GRID2: variants seen among roughly 807,000 people sequenced by gnomAD.
GRID2 encodes the protein glutamate ionotropic receptor delta type subunit 2, also known as glutamate receptor ionotropic, delta-2.
In GRID2, 33 loss-of-function variants were observed where a neutral mutation model predicts 114.8. The observed-to-expected ratio is 0.29, with a 90% confidence interval of 0.22 to 0.38. The LOEUF (loss-of-function observed/expected upper bound fraction) is 0.38, where lower values mean the gene tolerates loss of function less well. Among genes scored for constraint, GRID2 ranks in the 10% least tolerant of loss-of-function variants. GRID2 has a pLI of 1.00. For synonymous variants in GRID2, 505 were observed against 449.9 expected (o/e 1.12, Z -1.55); for missense variants, 1,184 against 1,257.7 (o/e 0.94, Z 0.89).
chr4:93,001,053 T>A (rs960795589), intron 2 of GRID2, among the ~76,000 whole-genome samples: 1 of 151,654 alleles, frequency 6.6e-6, no homozygotes, highest in Non-Finnish European at 1.5e-5. Context: ...AAAATGATTT[T>A]GCTAGTAATT....
chr4:93,522,741 A>G (rs1730462013), intron 13 of GRID2, among the ~76,000 whole-genome samples: 1 of 152,162 alleles, frequency 6.6e-6, no homozygotes, highest in African/African-American at 2.4e-5. Flanking sequence ...TGGAAGTAAC[A>G]TGAAGCTTGT....
intron 10 of GRID2, among the ~76,000 whole-genome samples, chr4:93,426,815 A>G (rs1291206301): frequency 1.3e-5 from 2 of 152,106 alleles, no homozygotes; most frequent in African/African-American, 4.8e-5. Flanking sequence ...GGCTTAAAGA[A>G]GCAGACATAT....
chr4:92,409,309 C>T (rs964592999), intron 1 of GRID2, among the ~76,000 whole-genome samples: 1 of 151,980 alleles, frequency 6.6e-6, no homozygotes, highest in African/African-American at 2.4e-5. Flanking sequence ...TACAGAGTTA[C>T]CATTTTAGGT....
chr4:92,499,198 T>C (rs867090819), intron 1 of GRID2, among the ~76,000 whole-genome samples: 2 of 151,990 alleles, frequency 1.3e-5, no homozygotes, highest in African/African-American at 4.8e-5. Flanking sequence ...GAGCTTTATA[T>C]TTATCATTTG....
At chr4:92,495,899 A>G (rs1013287211) in intron 1 of GRID2, among the ~76,000 whole-genome samples, 3 of 151,892 alleles carry the variant, frequency 2.0e-5, no homozygotes, top group African/African-American at 7.2e-5. Context: ...ATTCAACTCC[A>G]TGACATTGGC....
chr4:92,495,826 A>G (rs1182125750), intron 1 of GRID2, among the ~76,000 whole-genome samples: 1 of 151,898 alleles, frequency 6.6e-6, no homozygotes, highest in African/African-American at 2.4e-5. Context: ...AGTTGTGGAG[A>G]GGAAGGAACA....
chr4:92,770,786 C>T (rs1738503565), intron 2 of GRID2, among the ~76,000 whole-genome samples: 1 of 152,176 alleles, frequency 6.6e-6, no homozygotes, highest in African/African-American at 2.4e-5. Flanking sequence ...AACCGGGTTC[C>T]TCCCACGACA....
intron 4 of GRID2, among the ~76,000 whole-genome samples, chr4:93,136,408 A>T (rs1579087921): frequency 1.3e-5 from 2 of 152,238 alleles, no homozygotes; most frequent in East Asian, 3.9e-4. Flanking sequence ...GCTTCTGAGG[A>T]ACATATATCC....
At chr4:93,512,497 T>G (rs17275022) in intron 12 of GRID2, among the ~76,000 whole-genome samples, 2,180 of 152,302 alleles carry the variant, frequency 0.014, 36 homozygotes, top group Middle Eastern at 0.027. Flanking sequence ...TCAGTCGTTT[T>G]ATTTTTGTCA....
At chr4:92,688,997 GATTTACAAATCTTGT>G (rs1734054237) in intron 2 of GRID2, among the ~76,000 whole-genome samples, 1 of 152,138 alleles carries the variant, frequency 6.6e-6, no homozygotes, top group Non-Finnish European at 1.5e-5. Flanking sequence ...CAAACAAGGA[GATTTACAAATCTTGT>G]ACGTCTCTAT....
chr4:92,941,308 T>A (rs1345967065), intron 2 of GRID2, among the ~76,000 whole-genome samples: 1 of 152,214 alleles, frequency 6.6e-6, no homozygotes, highest in African/African-American at 2.4e-5. Context: ...AGGGTGTATG[T>A]GTCAAGGAAT....
intron 2 of GRID2, among the ~76,000 whole-genome samples, chr4:92,996,442 A>G (rs1300550505): frequency 2.6e-5 from 4 of 152,186 alleles, no homozygotes; most frequent in Non-Finnish European, 5.9e-5. Flanking sequence ...ATGTTTCTTT[A>G]ACTCATGGCT....
intron 2 of GRID2, among the ~76,000 whole-genome samples, chr4:92,689,110 T>G (rs978476238): frequency 1.3e-5 from 2 of 152,172 alleles, no homozygotes; most frequent in Admixed American, 6.5e-5. Context: ...GCCTAAAATA[T>G]TTAATAAACC....
At chr4:93,333,989 C>T (rs7672627) in intron 8 of GRID2, among the ~76,000 whole-genome samples, 35,788 of 151,896 alleles carry the variant, frequency 0.24, 6,710 homozygotes, top group African/African-American at 0.52. Flanking sequence ...ATAGCTAGTA[C>T]AATAGATGCA....
intron 2 of GRID2, among the ~76,000 whole-genome samples, chr4:92,726,908 A>T (rs1409922680): frequency 6.6e-6 from 1 of 152,116 alleles, no homozygotes; most frequent in African/African-American, 2.4e-5. Context: ...CAGGAAAAAA[A>T]ATGGTCATCA....
At chr4:92,312,028 A>G (rs1053518692) in intron 1 of GRID2, among the ~76,000 whole-genome samples, 1 of 151,874 alleles carries the variant, frequency 6.6e-6, no homozygotes, top group African/African-American at 2.4e-5. Flanking sequence ...CTTGATCCAA[A>G]GAAAGGATGT....
At chr4:93,585,997 C>T (rs1281747205) in intron 13 of GRID2, among the ~76,000 whole-genome samples, 1 of 152,042 alleles carries the variant, frequency 6.6e-6, no homozygotes, top group Admixed American at 6.6e-5. Flanking sequence ...TTTACATAAA[C>T]CCATGAGTTT....
In GRID2 at chr4:92,588,603, C is replaced by T. The variant is rs969826842; in HGVS notation, c.89-1528C>T. On this transcript the variant is annotated intron_variant, in intron 1 of 15. Coordinates refer to ENST00000282020, the MANE Select transcript of GRID2 (RefSeq NM_001510.4). The stretch of plus-strand genomic sequence containing the variant: ...CTGAGGCAGGAGAATGGGGTGAACC[C>T]GGGAGGCGGAGCTTGCTGTGAGCCG... 2.1e-4 allele frequency among the ~76,000 whole-genome samples: 30 copies of T among 140,756 alleles called. 2 individuals are homozygous for T. The highest frequency in any genetic ancestry group is 1.8e-3 in the Admixed American group (23 of 13,034). 92.3% of individuals were successfully genotyped at this position (140,756 alleles called of 152,430 possible).
intron 2 of GRID2, among the ~76,000 whole-genome samples, chr4:92,878,223 A>C (rs1187805779): frequency 6.6e-6 from 1 of 152,294 alleles, no homozygotes; most frequent in Non-Finnish European, 1.5e-5. Context: ...GCATTACATT[A>C]ATTCTCCATT....
Sources: allele counts gnomAD v4.1 joint callset (sites outside exome capture counted in the v4.1 genomes callset), GRCh38; gene constraint gnomAD v4.1.1; transcripts MANE v1.5; gene names NCBI Gene and HGNC (gene_info 2026-07-23, HGNC 2026-07-21).